NUP35: variants seen among roughly 807,000 people sequenced by gnomAD.
NUP35 encodes the protein nucleoporin 35.
A neutral mutation model predicts 41.5 loss-of-function variants in NUP35; 25 were observed. That is an observed-to-expected ratio of 0.60 (90% CI 0.44 to 0.84). NUP35 has a LOEUF of 0.84. Among genes scored for constraint, NUP35 ranks in the 40% least tolerant of loss-of-function variants. The probability of loss-of-function intolerance (pLI) is 0.00; values close to 1 mark genes in which losing one functional copy is unlikely to be tolerated. For synonymous variants in NUP35, 149 were observed against 130.7 expected, an observed-to-expected ratio of 1.14 and a Z score of -0.96; for missense variants, 396 against 396.6, an observed-to-expected ratio of 1.00 and a Z score of 0.01.
At chr2:183,127,516 ACTGT>A (rs1684537120) in intron 1 of NUP35, among the ~76,000 whole-genome samples, 1 of 152,210 alleles carries the variant, frequency 6.6e-6, no homozygotes, top group African/African-American at 2.4e-5. Context: ...GCTAGTTATC[ACTGT>A]TATTTTGTAA....
At chr2:183,143,824 A>G (rs1685185184) in intron 4 of NUP35, among the ~76,000 whole-genome samples, 1 of 152,224 alleles carries the variant, frequency 6.6e-6, no homozygotes, top group Non-Finnish European at 1.5e-5. Flanking sequence ...GCAAGGGATT[A>G]TAAGTGAATA....
chr2:183,147,010 G>A (rs1001467345), intron 4 of NUP35, among the ~76,000 whole-genome samples: 2 of 152,148 alleles, frequency 1.3e-5, no homozygotes, highest in Non-Finnish European at 2.9e-5. Context: ...TTTCATGTTT[G>A]TTGGTCACCT....
At chr2:183,121,906 G>A (rs887565414), upstream of NUP35, among the ~76,000 whole-genome samples, 5 of 53,132 alleles carry the variant, frequency 9.4e-5, no homozygotes, top group African/African-American at 2.2e-4. Context: ...TAAGTTAAAG[G>A]CCATTCTTTT....
upstream of NUP35, among the ~76,000 whole-genome samples, chr2:183,122,200 C>T (rs997550622): frequency 6.6e-6 from 1 of 152,060 alleles, no homozygotes; most frequent in African/African-American, 2.4e-5. Context: ...CCTCAGCCTC[C>T]CAAGTAGCTG....
intron 1 of NUP35, among the ~76,000 whole-genome samples, chr2:183,125,672 A>G (rs1340313866): frequency 2.0e-5 from 3 of 151,342 alleles, no homozygotes; most frequent in Non-Finnish European, 4.4e-5. Flanking sequence ...TCTATTCAAC[A>G]AAAACATTTT....
chr2:183,158,237 G>C, intron 6 of NUP35, 46 bp from the exon 7 acceptor site: 1 of 1,295,948 alleles, frequency 7.7e-7, no homozygotes, highest in South Asian at 2.0e-5. Context: ...ATTAGATGTA[G>C]ATTTTATATA....
intron 2 of NUP35, 141 bp from the exon 3 acceptor site, chr2:183,130,277 C>T (rs1684649836): frequency 9.8e-6 from 8 of 813,218 alleles, no homozygotes; most frequent in Admixed American, 3.1e-5. Flanking sequence ...TTAACAAGGT[C>T]CCCAGGTGAC....
chr2:183,161,280 C>G lies in NUP35; in HGVS notation c.*149C>G. The G allele has an allele frequency of 6.2e-6, 3 of 486,082 alleles. No individual in the cohort carries two copies. Among genetic ancestry groups the G allele is most frequent in the South Asian group, 4.5e-5 (1 of 22,174 alleles). 30.1% of individuals were successfully genotyped at this position (486,082 alleles called of 1,614,324 possible). On this transcript the variant is annotated 3_prime_UTR_variant, in exon 9 of 9. Transcript: ENST00000295119. The stretch of plus-strand genomic sequence containing the variant: ...AAGCCTTTTTCATTAAGGATACAAC[C>G]TATTTGTAGCTCGCACTTTAAAAGA...
intron 7 of NUP35, among the ~76,000 whole-genome samples, chr2:183,159,047 A>G (rs906989081): frequency 3.3e-5 from 5 of 152,120 alleles, no homozygotes; most frequent in Non-Finnish European, 7.4e-5. Flanking sequence ...TGTGGTTCCT[A>G]TTCTTAAAAT....
At chr2:183,134,784 T>A (rs1182307821) in intron 4 of NUP35, among the ~76,000 whole-genome samples, 1 of 143,540 alleles carries the variant, frequency 7.0e-6, no homozygotes, top group African/African-American at 2.6e-5. Context: ...CCTGGCTAAT[T>A]TTTTTTTTTT....
intron 1 of NUP35, among the ~76,000 whole-genome samples, chr2:183,126,267 G>A (rs967177369): frequency 1.3e-5 from 2 of 152,184 alleles, no homozygotes; most frequent in Non-Finnish European, 2.9e-5. Flanking sequence ...GAGCTCGAGC[G>A]ATCCACCTGC....
chr2:183,160,345 G>T (rs541739108), intron 8 of NUP35: 1 of 152,180 alleles, frequency 6.6e-6, no homozygotes, highest in South Asian at 2.1e-4. Flanking sequence ...TTCTATTACT[G>T]TTATTTTAAA....
chr2:183,149,688 C>T (rs915884742), intron 4 of NUP35, among the ~76,000 whole-genome samples: 1 of 152,158 alleles, frequency 6.6e-6, no homozygotes, highest in Non-Finnish European at 1.5e-5. Flanking sequence ...AGTACTGCCA[C>T]AGGAAATAAA....
chr2:183,140,148 A>T (rs1242858166), intron 4 of NUP35, among the ~76,000 whole-genome samples: 1 of 152,220 alleles, frequency 6.6e-6, no homozygotes, highest in East Asian at 1.9e-4. Flanking sequence ...ACAGTTATGG[A>T]GGTCAGAAGT....
At chr2:183,150,835 G>A (rs1685446250) in intron 4 of NUP35, among the ~76,000 whole-genome samples, 1 of 152,158 alleles carries the variant, frequency 6.6e-6, no homozygotes. Context: ...GAAGATGAAA[G>A]GGAAATAGTC....
At chr2:183,122,330 C>T (rs1245380857), upstream of NUP35, among the ~76,000 whole-genome samples, 3 of 152,130 alleles carry the variant, frequency 2.0e-5, no homozygotes, top group African/African-American at 7.2e-5. Context: ...CCCGCCTTGG[C>T]CTCCCAAAGT....
chr2:183,133,701 G>C (rs1252405602), intron 4 of NUP35, 78 bp downstream of exon 4: 15 of 941,624 alleles, frequency 1.6e-5, no homozygotes, highest in Non-Finnish European at 2.1e-5. Context: ...GTGCAGTGGT[G>C]TGATCACGGA....
chr2:183,161,387 C>A lies in NUP35; in HGVS notation c.*256C>A. 3.8e-6 allele frequency: 1 copy of A among 262,678 alleles called. No individual in the cohort carries two copies. The highest frequency in any genetic ancestry group is 6.6e-5 in the East Asian group (1 of 15,070). The allele number at this position is 262,678 out of a possible 1,614,324, so 16.3% of individuals were successfully genotyped here. On this transcript the variant is annotated 3_prime_UTR_variant, in exon 9 of 9. Coordinates refer to ENST00000295119, the MANE Select transcript of NUP35 (RefSeq NM_138285.5). ...TTCTGTAACAGTGCATGCTTCAGCA[C>A]AGAAAACTCAGCATTGATTATTGTA...
At chr2:183,117,750 T>C (rs1187573030) in intron 1 of NUP35, 1 of 152,192 alleles carries the variant, frequency 6.6e-6, no homozygotes, top group Non-Finnish European at 1.5e-5. Flanking sequence ...ACACTGCATA[T>C]TGTTGGACAC....
Sources: gnomAD v4.1 joint callset for allele counts (sites outside exome capture counted in the v4.1 genomes callset) on GRCh38, gnomAD v4.1.1 for gene constraint, MANE v1.5 for transcripts, NCBI Gene and HGNC (gene_info 2026-07-23, HGNC 2026-07-21) for gene names.